DENND2A: variants seen among roughly 807,000 people sequenced by gnomAD.
DENND2A encodes DENN domain containing 2A.
A neutral mutation model predicts 105.3 loss-of-function variants in DENND2A; 53 were observed. The ratio of observed to expected loss-of-function variants is 0.50; its 90% CI spans 0.40 to 0.63. DENND2A has a LOEUF of 0.63. DENND2A is among the 30% of genes least tolerant of loss of function. The probability of loss-of-function intolerance (pLI) is 0.00; values close to 1 mark genes in which losing one functional copy is unlikely to be tolerated. For synonymous variants in DENND2A, 522 were observed against 508.4 expected, an observed-to-expected ratio of 1.03 and a Z score of -0.36; for missense variants, 1,138 against 1,279.6, an observed-to-expected ratio of 0.89 and a Z score of 1.69.
chr7:140,595,663 G>A (rs902126020), intron 3 of DENND2A, among the ~76,000 whole-genome samples: 3 of 152,078 alleles, frequency 2.0e-5, no homozygotes, highest in African/African-American at 7.2e-5. Context: ...CAACTACTCC[G>A]GAGGCGGAGG....
At chr7:140,602,599 A>G (rs937207701) in intron 2 of DENND2A, 57 bp from the exon 3 acceptor site, 85 of 457,252 alleles carry the variant, frequency 1.9e-4, no homozygotes, top group South Asian at 1.2e-3. Flanking sequence ...GGCTGGTCAT[A>G]GAGATTTGCT....
At position 140,601,632 on chromosome 7, in the gene DENND2A, C is replaced by T; in HGVS notation, c.766G>A (p.Gly256Ser). 1 of 1,612,810 alleles carries T rather than the reference C, an allele frequency of 6.2e-7. No homozygotes were observed. Among genetic ancestry groups the T allele is most frequent in the Non-Finnish European group, 8.5e-7 (1 of 1,179,240 alleles). ...SLENVYRGSE[G>S]SPTKPFINPL... Reference sequence around the variant, plus strand: ...TTGATGAAGGGCTTTGTGGGGGAACCCTCCGAGCCCCTATACACGTTCTCA... The same window carrying T: ...TTGATGAAGGGCTTTGTGGGGGAACTCTCCGAGCCCCTATACACGTTCTCA... The change falls in exon 3 of 20, where the codon GGT becomes AGT. Residue 256 changes from glycine to serine, a missense_variant. By Grantham distance (56) the Gly-to-Ser change is moderately conservative (BLOSUM62 0). This residue lies in a region of DENND2A where 511 missense variants were observed against 499.9 expected (regional missense o/e 1.02). Transcript: ENST00000496613.
chr7:140,593,114 CTG>C (rs1563165167), intron 3 of DENND2A, among the ~76,000 whole-genome samples: 2 of 152,304 alleles, frequency 1.3e-5, no homozygotes, highest in Non-Finnish European at 2.9e-5. Flanking sequence ...AGAAAGGAAA[CTG>C]TGAAAGGTTA....
At chr7:140,552,257 G>T (rs1221071100) in intron 12 of DENND2A, among the ~76,000 whole-genome samples, 1 of 152,104 alleles carries the variant, frequency 6.6e-6, no homozygotes, top group East Asian at 1.9e-4. Context: ...GGAGACCTTG[G>T]CTCAGATTAC....
chr7:140,571,728 A>G (rs1352948448), intron 6 of DENND2A, among the ~76,000 whole-genome samples: 7 of 152,166 alleles, frequency 4.6e-5, no homozygotes, highest in Admixed American at 6.5e-5. Flanking sequence ...AAAAGAAGAA[A>G]ATGCTGACAC....
At chr7:140,541,507 A>C (rs1310981995) in intron 14 of DENND2A, among the ~76,000 whole-genome samples, 1 of 151,992 alleles carries the variant, frequency 6.6e-6, no homozygotes, top group Non-Finnish European at 1.5e-5. Context: ...CCCCTCCCCC[A>C]CATCCAAGCC....
At chr7:140,596,005 C>T (rs1209537521) in intron 3 of DENND2A, among the ~76,000 whole-genome samples, 3 of 152,126 alleles carry the variant, frequency 2.0e-5, no homozygotes, top group Admixed American at 1.3e-4. Flanking sequence ...AGGAGACTTC[C>T]GTTAGCTCTC....
At chr7:140,539,692 G>C (rs972881248) in intron 14 of DENND2A, among the ~76,000 whole-genome samples, 2 of 152,210 alleles carry the variant, frequency 1.3e-5, no homozygotes, top group Non-Finnish European at 2.9e-5. Context: ...AATGACGCAG[G>C]TCAGACCCTC....
chr7:140,558,892 G>A lies in DENND2A; in HGVS notation c.1890-680C>T, dbSNP rs10275505. On this transcript the variant is annotated intron_variant, in intron 10 of 19. Coordinates refer to ENST00000496613, the MANE Select transcript of DENND2A (RefSeq NM_015689.5). ...ATCTCGGCTCACCACAACCTCTGCC[G>A]CCCGGGTTCAAGCGATTCTCCTGCC... Among the ~76,000 whole-genome samples, 968 of 142,860 alleles carry A rather than the reference G, an allele frequency of 6.8e-3. 13 individuals carry two copies. The highest frequency in any genetic ancestry group is 0.024 in the African/African-American group (920 of 38,344). 93.7% of individuals were successfully genotyped at this position (142,860 alleles called of 152,430 possible). A position where few individuals can be genotyped will look rare whatever the true frequency, so the allele number is the denominator to read the frequency against.
intron 3 of DENND2A, among the ~76,000 whole-genome samples, chr7:140,588,063 A>G (rs568258560): frequency 6.6e-5 from 10 of 152,082 alleles, no homozygotes; most frequent in Non-Finnish European, 1.3e-4. Context: ...GGCATGCACC[A>G]CCATGCCTGG....
Position 140,602,227 on chromosome 7 carries a change from T to C in DENND2A, c.171A>G (p.Lys57=). 2 of 1,614,094 alleles carry C rather than the reference T, an allele frequency of 1.2e-6. No individual in the cohort carries two copies. Among genetic ancestry groups the C allele is most frequent in the South Asian group, 2.2e-5 (2 of 91,072 alleles). ...KDKISEWEGK[K]EVPTPAPSRR... ...TGCTGGGTGCAGGAGTGGGCACCTCTTTCTTCCCTTCCCATTCTGATATCT... is the reference window on the plus strand; with the variant it reads ...TGCTGGGTGCAGGAGTGGGCACCTCCTTCTTCCCTTCCCATTCTGATATCT... Residue 57 remains lysine, a synonymous_variant, in exon 3 of 20, where the codon AAA becomes AAG. Transcript: ENST00000496613.
intron 9 of DENND2A, among the ~76,000 whole-genome samples, chr7:140,562,919 C>A (rs1040513200): frequency 1.3e-5 from 2 of 152,202 alleles, no homozygotes; most frequent in Non-Finnish European, 2.9e-5. Flanking sequence ...ACCCAACTGG[C>A]CCAGGAAGTC....
chr7:140,541,171 C>G (rs2130510537), intron 14 of DENND2A, among the ~76,000 whole-genome samples: 1 of 152,150 alleles, frequency 6.6e-6, no homozygotes, highest in Non-Finnish European at 1.5e-5. Context: ...TTTTCTTCTC[C>G]TTAATTTTTA....
chr7:140,604,595 G>A lies in DENND2A; in HGVS notation c.-146+1110C>T, dbSNP rs192736759. On this transcript the variant is annotated intron_variant, in intron 2 of 19. Transcript: ENST00000496613. Reference sequence around the variant, plus strand: ...CTCACAGTGCTAGAGGCAAGATGAAGAGAGAGGACAGACACACACATTAAA... The same window carrying A: ...CTCACAGTGCTAGAGGCAAGATGAAAAGAGAGGACAGACACACACATTAAA... 2.6e-5 allele frequency among the ~76,000 whole-genome samples: 4 copies of A among 152,354 alleles called. No homozygotes were observed. In the East Asian group the frequency reaches 7.7e-4, roughly 29 times the overall value.
In DENND2A at chr7:140,602,245, T is replaced by G. The variant is rs1563171800; in HGVS notation, c.153A>C (p.Ser51=). The change falls in exon 3 of 20, where the codon TCA becomes TCC. Residue 51 remains serine, a synonymous_variant. Coordinates refer to ENST00000496613, the MANE Select transcript of DENND2A (RefSeq NM_015689.5). ...GCACCTCTTTCTTCCCTTCCCATTC[T>G]GATATCTTGTCCTTTATGTTGAGGG... ...HKSLNIKDKI[S]EWEGKKEVPT... is the part of the protein sequence containing the mutation. 1 of 1,613,938 alleles carries G rather than the reference T, an allele frequency of 6.2e-7. No homozygotes were observed. The highest frequency in any genetic ancestry group is 8.5e-7 in the Non-Finnish European group (1 of 1,180,022).
chr7:140,533,662 C>T (rs183567193), intron 14 of DENND2A, among the ~76,000 whole-genome samples: 114 of 152,282 alleles, frequency 7.5e-4, no homozygotes, highest in African/African-American at 2.7e-3. Flanking sequence ...AGGCTTGATG[C>T]GAGAAATGAT....
intron 5 of DENND2A, among the ~76,000 whole-genome samples, chr7:140,577,766 A>G (rs1453248372): frequency 1.3e-5 from 2 of 152,154 alleles, no homozygotes; most frequent in Non-Finnish European, 2.9e-5. Context: ...TGTTAAAACT[A>G]CTAAACTGTG....
Position 140,527,377 on chromosome 7 carries a change from A to G in DENND2A, c.2446T>C (p.Phe816Leu). ...MVDIVCSPTP[F>L]LIGLLSSSLP... ...GAGCTGGAGAGCAGCCCGATGAGGAAGGGCGTCGGCGAGCACACGATGTCG... is the reference window on the plus strand; with the variant it reads ...GAGCTGGAGAGCAGCCCGATGAGGAGGGGCGTCGGCGAGCACACGATGTCG... The change falls in exon 15 of 20, where the codon TTC becomes CTC. Residue 816 changes from phenylalanine to leucine, a missense_variant. Transcript: ENST00000496613. This position sits in a 1 kb window ranked among gnomAD's most constrained non-coding sequence, Gnocchi z 4.9. The G allele has an allele frequency of 6.2e-7, 1 of 1,606,668 alleles. No homozygotes were observed. Among genetic ancestry groups the G allele is most frequent in the Admixed American group, 1.7e-5 (1 of 58,664 alleles).
intron 13 of DENND2A, 140 bp downstream of exon 13, chr7:140,546,659 T>A: frequency 9.1e-7 from 1 of 1,096,748 alleles, no homozygotes; most frequent in African/African-American, 1.6e-5. Context: ...TCATGATGAG[T>A]GATCTGGGCC....
Sources: gnomAD v4.1 joint callset for allele counts (sites outside exome capture counted in the v4.1 genomes callset) on GRCh38, gnomAD v4.1.1 for gene constraint, gnomAD v4.1.1 regional missense constraint, Gnocchi (gnomAD v3.1) non-coding constraint, MANE v1.5 for transcripts, NCBI Gene and HGNC (gene_info 2026-07-23, HGNC 2026-07-21) for gene names.